MBNL3: variants seen among roughly 807,000 people sequenced by gnomAD.
The protein encoded by MBNL3 is muscleblind-like protein 3.
A neutral mutation model predicts 24.5 loss-of-function variants in MBNL3; 6 were observed. That is an observed-to-expected ratio of 0.25 (90% CI 0.13 to 0.48). MBNL3 has a LOEUF of 0.48. Among genes scored for constraint, MBNL3 ranks in the 20% least tolerant of loss-of-function variants. The probability of loss-of-function intolerance (pLI) is 0.99; values close to 1 mark genes in which losing one functional copy is unlikely to be tolerated. For synonymous variants in MBNL3, 100 were observed against 101.7 expected, an observed-to-expected ratio of 0.98 and a Z score of 0.10; for missense variants, 230 against 293.5, an observed-to-expected ratio of 0.78 and a Z score of 1.58.
chrX:132,451,431 C>T (rs1946102301), intron 1 of MBNL3, among the ~76,000 whole-genome samples: 1 of 111,684 alleles, frequency 9.0e-6, no homozygotes, highest in Admixed American at 9.5e-5. Context: ...TGGTGGGCTC[C>T]ACACAGTTCG....
At chrX:132,478,249 T>C (rs1257014774) in intron 1 of MBNL3, among the ~76,000 whole-genome samples, 1 of 111,807 alleles carries the variant, frequency 8.9e-6, no homozygotes, top group East Asian at 2.8e-4. Context: ...TCCCAGATAG[T>C]TTTATTTTCA....
upstream of MBNL3, among the ~76,000 whole-genome samples, chrX:132,489,293 C>T (rs1948169020): frequency 8.9e-6 from 1 of 112,261 alleles, no homozygotes; most frequent in Admixed American, 9.2e-5. Context: ...CTGGGCTCCT[C>T]GAGGCCCCTT....
At chrX:132,418,631 C>G (rs974666392) in intron 2 of MBNL3, among the ~76,000 whole-genome samples, 1 of 112,365 alleles carries the variant, frequency 8.9e-6, no homozygotes, top group African/African-American at 3.2e-5. Context: ...TTAGGTATGT[C>G]CAGACACTAG....
In MBNL3 at chrX:132,399,766, T is replaced by C. The variant is rs1940530418; in HGVS notation, c.342+6462A>G. Reference sequence around the variant, plus strand: ...CCACAGGTTTTTATATAAGGTCTCCTCTCATTGACAAATTACTGAGCCATA... The same window carrying C: ...CCACAGGTTTTTATATAAGGTCTCCCCTCATTGACAAATTACTGAGCCATA... On this transcript the variant is annotated intron_variant, in intron 3 of 8. Coordinates refer to ENST00000370853, the MANE Select transcript of MBNL3 (RefSeq NM_001386889.1). Among the ~76,000 whole-genome samples, 2 of 106,197 alleles carry C rather than the reference T, an allele frequency of 1.9e-5. 1 individual carries two copies. The highest frequency in any genetic ancestry group is 2.0e-4 in the Admixed American group (2 of 9,771). The allele number at this position is 106,197 out of a possible 115,157, so 92.2% of individuals were successfully genotyped here.
At chrX:132,417,772 T>C (rs764287812) in intron 2 of MBNL3, among the ~76,000 whole-genome samples, 5 of 111,399 alleles carry the variant, frequency 4.5e-5, no homozygotes, top group Non-Finnish European at 9.4e-5. Context: ...TCAGAAAACA[T>C]CTTTCTGAAA....
intron 2 of MBNL3, among the ~76,000 whole-genome samples, chrX:132,408,119 T>TACCAA (rs2148293462): frequency 4.0e-5 from 2 of 50,178 alleles, no homozygotes; most frequent in Admixed American, 2.1e-4. Context: ...TTTTTTTTTT[T>TACCAA]TTTTTTTTTT....
chrX:132,421,224 T>C (rs186862770), intron 2 of MBNL3, among the ~76,000 whole-genome samples: 72 of 112,305 alleles, frequency 6.4e-4, no homozygotes, highest in Admixed American at 3.4e-3. Context: ...AAATATATTT[T>C]TCTTTATTAG....
rs955840297 is a variant in MBNL3, at chrX:132,376,413, T to A, written c.*3253A>T. ...ATGTTATGGTCACATAGTACTTTTT[T>A]AAAAAGTTGACACTACTAAAACCCT... On this transcript the variant is annotated 3_prime_UTR_variant, in exon 9 of 9. Coordinates refer to ENST00000370853, the MANE Select transcript of MBNL3 (RefSeq NM_001386889.1). 11 of 111,841 alleles carry A rather than the reference T, an allele frequency of 9.8e-5. No homozygotes were observed. The highest frequency in any genetic ancestry group is 2.9e-4 in the African/African-American group (9 of 30,886). The allele number at this position is 111,841 out of a possible 1,213,427, so 9.2% of individuals were successfully genotyped here.
intron 8 of MBNL3, among the ~76,000 whole-genome samples, chrX:132,380,881 T>C (rs1345534507): frequency 2.7e-5 from 3 of 110,419 alleles, no homozygotes; most frequent in African/African-American, 9.9e-5. Flanking sequence ...AAAAGAGACA[T>C]GATTGGAATG....
intron 1 of MBNL3, among the ~76,000 whole-genome samples, chrX:132,445,440 G>GA (rs898282747): frequency 3.4e-3 from 358 of 106,711 alleles, no homozygotes; most frequent in African/African-American, 0.011. Flanking sequence ...CTTCTGTCCA[G>GA]AAAAAAAAAA....
chrX:132,406,184 T>G (rs4057816), intron 3 of MBNL3, 44 bp downstream of exon 3: 2 of 1,199,117 alleles, frequency 1.7e-6, no homozygotes, highest in Non-Finnish European at 2.3e-6. Context: ...GTTATTCCAC[T>G]GTTGATCTTT....
intron 1 of MBNL3, among the ~76,000 whole-genome samples, chrX:132,450,397 C>T (rs1946035612): frequency 9.0e-6 from 1 of 111,442 alleles, no homozygotes; most frequent in Non-Finnish European, 1.9e-5. Context: ...TGTCTTCACG[C>T]TTTATTTCAT....
chrX:132,402,146 G>T (rs1407189701), intron 3 of MBNL3, among the ~76,000 whole-genome samples: 1 of 111,424 alleles, frequency 9.0e-6, no homozygotes, highest in African/African-American at 3.3e-5. Context: ...CCTCAAATGT[G>T]CTGAATCAAC....
At chrX:132,412,024 T>C (rs755514902) in intron 2 of MBNL3, among the ~76,000 whole-genome samples, 1 of 111,995 alleles carries the variant, frequency 8.9e-6, no homozygotes, top group South Asian at 3.8e-4. Context: ...AGGCTGCCCC[T>C]GGTTGTCTGT....
At chrX:132,396,141 A>C (rs1262669938) in intron 3 of MBNL3, among the ~76,000 whole-genome samples, 1 of 108,223 alleles carries the variant, frequency 9.2e-6, no homozygotes, top group Non-Finnish European at 1.9e-5. Context: ...AAAATTGTAG[A>C]TATTTGTTTC....
chrX:132,424,804 T>C (rs1381262239), intron 2 of MBNL3, among the ~76,000 whole-genome samples: 2 of 110,395 alleles, frequency 1.8e-5, no homozygotes, highest in Non-Finnish European at 3.8e-5. Context: ...TGTTTTTTTT[T>C]TTTTAAATCT....
At chrX:132,461,240 A>G (rs180768101) in intron 1 of MBNL3, among the ~76,000 whole-genome samples, 4 of 111,704 alleles carry the variant, frequency 3.6e-5, no homozygotes, top group African/African-American at 9.7e-5. Context: ...TAAAAGGTAC[A>G]GAGAGATACA....
In MBNL3 at chrX:132,379,596, C is replaced by G; in HGVS notation, c.*70G>C. The G allele has an allele frequency of 9.2e-7, 1 of 1,088,411 alleles. No homozygotes were observed. Among genetic ancestry groups the G allele is most frequent in the Admixed American group, 2.6e-5 (1 of 39,078 alleles). The allele number at this position is 1,088,411 out of a possible 1,213,427, so 89.7% of individuals were successfully genotyped here. ...TGTTGTGTTGGTAGAATAAGACATA[C>G]GAGAATATATATAGAAAGGCCATAT... is the stretch of plus-strand genomic sequence containing the variant. On this transcript the variant is annotated 3_prime_UTR_variant, in exon 9 of 9. Coordinates refer to ENST00000370853, the MANE Select transcript of MBNL3 (RefSeq NM_001386889.1).
At chrX:132,420,365 T>C (rs984989927) in intron 2 of MBNL3, among the ~76,000 whole-genome samples, 1 of 110,363 alleles carries the variant, frequency 9.1e-6, no homozygotes, top group Non-Finnish European at 1.9e-5. Context: ...ACAGCAGTGG[T>C]GGATGGCGAG....
Sources: gnomAD v4.1 joint callset for allele counts (sites outside exome capture counted in the v4.1 genomes callset) on GRCh38, gnomAD v4.1.1 for gene constraint, MANE v1.5 for transcripts, NCBI Gene and HGNC (gene_info 2026-07-23, HGNC 2026-07-21) for gene names.